CEMIP2: variants seen among roughly 807,000 people sequenced by gnomAD.
CEMIP2 encodes cell migration inducing hyaluronidase 2.
Under a neutral mutation model 146.9 loss-of-function variants are expected in CEMIP2, and 79 were observed. The ratio of observed to expected loss-of-function variants is 0.54; its 90% CI spans 0.45 to 0.65. The LOEUF (loss-of-function observed/expected upper bound fraction) is 0.65, where lower values mean the gene tolerates loss of function less well. CEMIP2 is among the 30% of genes least tolerant of loss of function. The pLI is 0.00. For missense variants in CEMIP2, 1,596 were observed against 1,696.2 expected (o/e 0.94, Z 1.04); for synonymous variants, 601 against 606.3 (o/e 0.99, Z 0.13).
At chr9:71,691,960 T>G (rs1253947886) in intron 21 of CEMIP2, among the ~76,000 whole-genome samples, 3 of 151,848 alleles carry the variant, frequency 2.0e-5, no homozygotes, top group Admixed American at 1.3e-4. Context: ...AATAAAAAAA[T>G]TAGCTGGGCA....
chr9:71,734,623 A>G (rs149492510), intron 6 of CEMIP2, among the ~76,000 whole-genome samples, 183 bp downstream of exon 6: 2 of 152,258 alleles, frequency 1.3e-5, no homozygotes, highest in African/African-American at 4.8e-5. Context: ...CTCAATAGCT[A>G]TTTTTATCTA....
chr9:71,702,067 G>A (rs1453610032), intron 18 of CEMIP2, among the ~76,000 whole-genome samples: 2 of 152,000 alleles, frequency 1.3e-5, no homozygotes, highest in African/African-American at 2.4e-5. Flanking sequence ...AGACCAGCCC[G>A]GGCAACATGG....
chr9:71,728,302 C>CGTATAT (rs1554684803), intron 10 of CEMIP2, among the ~76,000 whole-genome samples: 4 of 11,582 alleles, frequency 3.5e-4, no homozygotes, highest in Non-Finnish European at 5.9e-4. Context: ...TATATATATA[C>CGTATAT]ATATATATAT....
chr9:71,740,656 A>G (rs1365525643), intron 4 of CEMIP2, among the ~76,000 whole-genome samples: 1 of 152,226 alleles, frequency 6.6e-6, no homozygotes, highest in Non-Finnish European at 1.5e-5. Flanking sequence ...GAGTTTGAAA[A>G]ATATATCAAT....
chr9:71,704,485 TA>T, intron 18 of CEMIP2, 109 bp downstream of exon 18: 1 of 1,072,676 alleles, frequency 9.3e-7, no homozygotes. Context: ...AGAAGCAAAG[TA>T]TGTAAAATTG....
At chr9:71,740,481 T>G (rs186224831) in intron 4 of CEMIP2, among the ~76,000 whole-genome samples, 1 of 152,336 alleles carries the variant, frequency 6.6e-6, no homozygotes, top group Admixed American at 6.5e-5. Context: ...GACTACAATT[T>G]CAATTAATCA....
chr9:71,758,055 T>C (rs1442243665), intron 1 of CEMIP2, among the ~76,000 whole-genome samples: 1 of 152,182 alleles, frequency 6.6e-6, no homozygotes, highest in Non-Finnish European at 1.5e-5. Context: ...GAATATAATG[T>C]ATCACCTATT....
rs1453863771 is a variant in CEMIP2 at position 71,700,808 on chromosome 9, C to A, written c.3211G>T (p.Val1071Phe). The A allele has an allele frequency of 1.2e-6, 2 of 1,606,540 alleles. No homozygotes were observed. Among genetic ancestry groups the A allele is most frequent in the Non-Finnish European group, 1.7e-6 (2 of 1,178,214 alleles). ...GTGTTTGATGGATAGCAAAGGCCAA[C>A]TCGAATCCAGTCATTCCTTTAAAGG... ...VNFNKNDWIR[V>F]GLCYPSNTSF... The change falls in exon 19 of 24, where the codon GTT (valine) becomes TTT (phenylalanine). Residue 1071 changes from valine to phenylalanine, a missense_variant. By Grantham distance (50) the Val-to-Phe change is conservative (BLOSUM62 -1). Coordinates refer to ENST00000377044, the MANE Select transcript of CEMIP2 (RefSeq NM_013390.3).
intron 4 of CEMIP2, among the ~76,000 whole-genome samples, chr9:71,744,662 A>C (rs1348789659): frequency 6.6e-6 from 1 of 152,178 alleles, no homozygotes; most frequent in Non-Finnish European, 1.5e-5. Context: ...AGTTGCCTCA[A>C]TTAGCCTGAG....
Position 71,684,080 on chromosome 9 carries a change from TTCATTAAGTAA to T in CEMIP2, c.*1106_*1116del, listed in dbSNP as rs1335565988. 6.6e-6 allele frequency: 1 copy of T among 152,212 alleles called. No individual in the cohort carries two copies. The highest frequency in any genetic ancestry group is 1.5e-5 in the Non-Finnish European group (1 of 68,044). The allele number at this position is 152,212 out of a possible 1,614,324, so 9.4% of individuals were successfully genotyped here. The stretch of plus-strand genomic sequence containing the variant: ...CATGCTTTTTAATTGGCTTTAACAT[TTCATTAAGTAA>T]GAGTGACTCATTCCTGCAAGGCTTT... On this transcript the variant is annotated 3_prime_UTR_variant, in exon 24 of 24. Transcript: ENST00000377044.
At chr9:71,739,163 T>C (rs1308744549) in intron 5 of CEMIP2, among the ~76,000 whole-genome samples, 1 of 151,908 alleles carries the variant, frequency 6.6e-6, no homozygotes, top group Middle Eastern at 3.2e-3. Flanking sequence ...AAATGAGTAT[T>C]TATCACTAAT....
At chr9:71,705,056 C>G (rs574873125) in intron 17 of CEMIP2, 103 of 428,546 alleles carry the variant, frequency 2.4e-4, no homozygotes, top group African/African-American at 1.8e-3. Flanking sequence ...TACAGGCCAG[C>G]TTATTCATCA....
intron 10 of CEMIP2, among the ~76,000 whole-genome samples, chr9:71,728,485 G>C (rs1823515390): frequency 6.8e-6 from 1 of 146,952 alleles, no homozygotes. Context: ...CTGTCTCAGG[G>C]AGAAAAAAAA....
At chr9:71,752,545 T>C (rs979840997) in intron 1 of CEMIP2, among the ~76,000 whole-genome samples, 1 of 107,608 alleles carries the variant, frequency 9.3e-6, no homozygotes, top group African/African-American at 3.4e-5. Flanking sequence ...TTGCAATGAC[T>C]GGGGATAAAT....
chr9:71,728,278 TATGTATATATATATATATATATAC>T (rs1823484788), intron 10 of CEMIP2, among the ~76,000 whole-genome samples: 1 of 10,340 alleles, frequency 9.7e-5, no homozygotes, highest in African/African-American at 1.9e-4. Context: ...TATATATATA[TATGTATATATATATATATATATAC>T]ATATATATAT....
chr9:71,725,718 G>GA lies in CEMIP2; in HGVS notation c.2050-10dup, dbSNP rs1271856214. On this transcript the variant is annotated splice_polypyrimidine_tract_variant and intron_variant, in intron 10 of 23. Transcript: ENST00000377044. ...TACCATATTCCAGCATCCTACAAAT[G>GA]AAAGGACAAGCCCATTAAAAGCCTA... The GA allele has an allele frequency of 1.9e-6, 3 of 1,611,042 alleles. No individual in the cohort carries two copies. The highest frequency in any genetic ancestry group is 1.3e-5 in the African/African-American group (1 of 74,936).
intron 4 of CEMIP2, 65 bp downstream of exon 4, chr9:71,744,953 C>G (rs1214496947): frequency 6.6e-7 from 1 of 1,518,454 alleles, no homozygotes; most frequent in East Asian, 2.3e-5. Flanking sequence ...CTCCTTTCCC[C>G]ACCCTCACTC....
chr9:71,728,236 TATATATATATATATGTATATA>T, intron 10 of CEMIP2, among the ~76,000 whole-genome samples: 20 of 37,286 alleles, frequency 5.4e-4, no homozygotes, highest in Non-Finnish European at 7.3e-4. Flanking sequence ...TCTCTCTATA[TATATATATATATATGTATATA>T]CACGTATATA....
At chr9:71,764,915 C>CT (rs71493620) in intron 1 of CEMIP2, among the ~76,000 whole-genome samples, 35,221 of 149,196 alleles carry the variant, frequency 0.24, 4,253 homozygotes, top group Non-Finnish European at 0.26. Flanking sequence ...CATAGCTTTT[C>CT]TTCCTTTTTT....
Sources: allele counts gnomAD v4.1 joint callset (sites outside exome capture counted in the v4.1 genomes callset), GRCh38; gene constraint gnomAD v4.1.1; transcripts MANE v1.5; gene names NCBI Gene and HGNC (gene_info 2026-07-23, HGNC 2026-07-21).